Variants in NOL8 observed in about 807,000 individuals in gnomAD.
NOL8 encodes the protein nucleolar protein Nop132.
Under a neutral mutation model 116.1 loss-of-function variants are expected in NOL8, and 93 were observed. The ratio of observed to expected loss-of-function variants is 0.80; its 90% CI spans 0.68 to 0.95. The LOEUF (loss-of-function observed/expected upper bound fraction) is 0.95. NOL8 is among the 40% of genes least tolerant of loss of function. The pLI, the probability that NOL8 is intolerant of heterozygous loss-of-function variation, is 0.00. For synonymous variants in NOL8, 419 were observed against 469.0 expected, an observed-to-expected ratio of 0.89 and a Z score of 1.38; for missense variants, 1,291 against 1,382.8, an observed-to-expected ratio of 0.93 and a Z score of 1.05.
At chr9:92,319,404 C>T (rs570310656) in intron 4 of NOL8, 48 bp from the exon 5 acceptor site, 190 of 1,478,078 alleles carry the variant, frequency 1.3e-4, no homozygotes, top group Non-Finnish European at 1.6e-4. Context: ...TAATCAGCCA[C>T]GTAAAATGGT....
intron 13 of NOL8, chr9:92,300,308 A>T (rs912741899): frequency 6.3e-5 from 63 of 1,002,108 alleles, no homozygotes; most frequent in East Asian, 3.0e-4. Flanking sequence ...TATAATTTTT[A>T]AAAATGACAC....
intron 10 of NOL8, among the ~76,000 whole-genome samples, chr9:92,309,136 C>T (rs1018851718): frequency 1.3e-5 from 2 of 152,034 alleles, no homozygotes; most frequent in Admixed American, 6.6e-5. Context: ...TTGGGAGGAC[C>T]CTAGAGAATT....
At position 92,315,961 on chromosome 9, in the gene NOL8, T is replaced by C; in HGVS notation, c.664A>G (p.Lys222Glu). 2 of 1,613,954 alleles carry C rather than the reference T, an allele frequency of 1.2e-6. No homozygotes were observed. The highest frequency in any genetic ancestry group is 1.7e-6 in the Non-Finnish European group (2 of 1,179,886). ...DFHGPPKKII[K>E]VQKDESSTGS... is the part of the protein sequence containing the mutation. The stretch of plus-strand genomic sequence containing the variant: ...GTGGAACTCTCATCCTTCTGCACTT[T>C]TATTATCTTCTTGGGAGGGCCATGA... The change falls in exon 7 of 17, where the codon AAA becomes GAA. Residue 222 changes from lysine (K) to glutamate (E), a missense_variant. Transcript: ENST00000442668.
chr9:92,311,022 G>A (rs964787057), intron 8 of NOL8, 124 bp downstream of exon 8: 15 of 703,910 alleles, frequency 2.1e-5, no homozygotes, highest in Non-Finnish European at 3.3e-5. Context: ...AATATGAGGT[G>A]ACCTGGCAAG....
intron 11 of NOL8, among the ~76,000 whole-genome samples, chr9:92,306,113 C>A (rs148969666): frequency 3.9e-4 from 59 of 152,316 alleles, no homozygotes; most frequent in African/African-American, 1.4e-3. Context: ...CCTGCCTCAG[C>A]CTCCCAAGTA....
At position 92,297,606 on chromosome 9, in the gene NOL8, TCTTGTTCTTC is replaced by T; in HGVS notation, c.*220_*229del. On this transcript the variant is annotated 3_prime_UTR_variant, in exon 17 of 17. Transcript: ENST00000442668. Reference sequence around the variant, plus strand: ...ATACAAAAAGTATTTTCAAGGACTATCTTGTTCTTCCTTTATAAGAAGTTGAATTTAATTT... The same window carrying T: ...ATACAAAAAGTATTTTCAAGGACTATCTTTATAAGAAGTTGAATTTAATTT... 1 of 516,072 alleles carries T rather than the reference TCTTGTTCTTC, an allele frequency of 1.9e-6. No individual in the cohort carries two copies. Among genetic ancestry groups the T allele is most frequent in the Non-Finnish European group, 3.4e-6 (1 of 292,176 alleles). 32.0% of individuals were successfully genotyped at this position (516,072 alleles called of 1,614,324 possible). A position where few individuals can be genotyped will look rare whatever the true frequency, so the allele number is the denominator to read the frequency against.
At position 92,299,906 on chromosome 9, in the gene NOL8, T is replaced by G. The variant is rs776877064; in HGVS notation, c.3286A>C (p.Arg1096=). Residue 1096 remains arginine (R), a synonymous_variant, in exon 14 of 17, where the codon AGA becomes CGA. Transcript: ENST00000442668. ...ATTGTTTACCCAGGACTGGAGTTTC[T>G]GTGATCTGTTTCTTCAGTAACATCT... The part of the protein sequence containing the change: ...EEDVTEETDH[R]NSSPGEASLL... 64 of 1,613,492 alleles carry G rather than the reference T, an allele frequency of 4.0e-5. No individual in the cohort carries two copies. The highest frequency in any genetic ancestry group is 5.4e-5 in the Non-Finnish European group (64 of 1,179,626).
intron 3 of NOL8, 85 bp from the exon 4 acceptor site, chr9:92,321,831 A>G: frequency 1.4e-6 from 1 of 699,466 alleles, no homozygotes; most frequent in Non-Finnish European, 2.3e-6. Flanking sequence ...TAGTATCAAG[A>G]AAAGCAGGCT....
chr9:92,319,847 T>C, intron 4 of NOL8: 1 of 355,478 alleles, frequency 2.8e-6, no homozygotes, highest in Admixed American at 3.8e-5. Flanking sequence ...CAAGCTGTGC[T>C]GTCAGGGCTG....
intron 10 of NOL8, among the ~76,000 whole-genome samples, chr9:92,308,691 C>T (rs953426419): frequency 6.6e-6 from 1 of 152,114 alleles, no homozygotes; most frequent in Non-Finnish European, 1.5e-5. Flanking sequence ...TTAAGAAAAC[C>T]AGGAAGTTAT....
At chr9:92,298,130 C>A (rs1351620037) in intron 16 of NOL8, 127 bp downstream of exon 16, 1 of 731,944 alleles carries the variant, frequency 1.4e-6, no homozygotes. Context: ...ATTCTGAGAC[C>A]AGTCACTCAA....
intron 7 of NOL8, among the ~76,000 whole-genome samples, chr9:92,313,387 C>T (rs1415130526): frequency 6.6e-6 from 1 of 152,122 alleles, no homozygotes; most frequent in Non-Finnish European, 1.5e-5. Flanking sequence ...CTTTGCAGGC[C>T]ACATATCGTC....
At chr9:92,307,133 G>C in intron 10 of NOL8, 109 bp from the exon 11 acceptor site, 5 of 1,160,662 alleles carry the variant, frequency 4.3e-6, no homozygotes, top group Non-Finnish European at 6.0e-6. Context: ...CATTAAGACA[G>C]GAAGAAGAAA....
chr9:92,310,316 C>G (rs1176023631), intron 9 of NOL8, 55 bp from the exon 10 acceptor site: 4 of 1,454,592 alleles, frequency 2.7e-6, no homozygotes, highest in African/African-American at 2.8e-5. Context: ...GAAATTGCTT[C>G]TGACGAAGAC....
chr9:92,321,616 C>A (rs1389582405), intron 4 of NOL8, 52 bp downstream of exon 4: 5 of 981,408 alleles, frequency 5.1e-6, no homozygotes, highest in Non-Finnish European at 7.5e-6. Context: ...TATATAAAAC[C>A]ACTTACAATA....
At position 92,319,355 on chromosome 9, in the gene NOL8, A is replaced by C; in HGVS notation, c.283T>G (p.Leu95Val). 1 of 1,544,796 alleles carries C rather than the reference A, an allele frequency of 6.5e-7. No individual in the cohort carries two copies. Among genetic ancestry groups the C allele is most frequent in the Non-Finnish European group, 8.7e-7 (1 of 1,154,906 alleles). Residue 95 changes from leucine to valine, a missense_variant and splice_region_variant, in exon 5 of 17, where the codon TTG becomes GTG. By Grantham distance (32) the Leu-to-Val change is conservative. Coordinates refer to ENST00000442668, the MANE Select transcript of NOL8 (RefSeq NM_017948.6). ...TTTGCTGCTTCTCTCTCTTGGGCCA[A>C]TCTGAATCAAAAAGAAAATACAAAT... ...QLAKESFLHR[L>V]AQEREAAKAK...
Position 92,315,576 on chromosome 9 carries a change from GAA to G in NOL8, c.1047_1048del (p.Ser350PhefsTer14). 6.2e-7 allele frequency: 1 copy of G among 1,612,718 alleles called. No homozygotes were observed. Among genetic ancestry groups the G allele is most frequent in the Non-Finnish European group, 8.5e-7 (1 of 1,179,522 alleles). ...ATTTTTGATACCTAAACCTATTAAA[GAA>G]TGCAGTTTGTGAACGCCTGATTTGA... On this transcript the variant is annotated frameshift_variant, in exon 7 of 17. Coordinates refer to ENST00000442668, the MANE Select transcript of NOL8 (RefSeq NM_017948.6). LOFTEE classifies it high-confidence loss of function.
chr9:92,299,016 T>TCTTCTTAAATATTG, intron 14 of NOL8, 62 bp from the exon 15 acceptor site: 2 of 783,378 alleles, frequency 2.6e-6, no homozygotes, highest in Non-Finnish European at 3.9e-6. Flanking sequence ...TTTCAATATT[T>TCTTCTTAAATATTG]AAGAAGAAAT....
At position 92,310,132 on chromosome 9, in the gene NOL8, C is replaced by G. The variant is rs755428958; in HGVS notation, c.2686+39G>C. 10 of 1,430,834 alleles carry G rather than the reference C, an allele frequency of 7.0e-6. No individual in the cohort carries two copies. In the South Asian group the frequency reaches 1.2e-4, roughly 17 times the overall value. The allele number at this position is 1,430,834 out of a possible 1,614,324, so 88.6% of individuals were successfully genotyped here. A position where few individuals can be genotyped will look rare whatever the true frequency, so the allele number is the denominator to read the frequency against. ...ATACTAGGTGATTTCTCAGTGTCCC[C>G]AGATATGACATCAGGACTCTGGACA... is the stretch of plus-strand genomic sequence containing the variant. On this transcript the variant is annotated intron_variant, in intron 10 of 16. Transcript: ENST00000442668.
Sources: allele counts gnomAD v4.1 joint callset (sites outside exome capture counted in the v4.1 genomes callset), GRCh38; gene constraint gnomAD v4.1.1; transcripts MANE v1.5; gene names NCBI Gene and HGNC (gene_info 2026-07-23, HGNC 2026-07-21).